Variants in PARP8 observed in about 807,000 individuals in gnomAD.
PARP8 encodes protein mono-ADP-ribosyltransferase PARP8.
Under a neutral mutation model 124.1 loss-of-function variants are expected in PARP8, and 51 were observed. The ratio of observed to expected loss-of-function variants is 0.41; its 90% CI spans 0.33 to 0.52. The LOEUF (loss-of-function observed/expected upper bound fraction) is 0.52, where lower values mean the gene tolerates loss of function less well. Among genes scored for constraint, PARP8 ranks in the 20% least tolerant of loss-of-function variants. The probability of loss-of-function intolerance (pLI) is 0.21; values close to 1 mark genes in which losing one functional copy is unlikely to be tolerated. For synonymous variants in PARP8, 391 were observed against 361.5 expected (o/e 1.08, Z -0.93); for missense variants, 860 against 1,018.9 (o/e 0.84, Z 2.12).
chr5:50,731,423 G>A (rs1223756622), intron 2 of PARP8, among the ~76,000 whole-genome samples: 1 of 152,146 alleles, frequency 6.6e-6, no homozygotes, highest in Non-Finnish European at 1.5e-5. Context: ...TCATAGCAGT[G>A]TGCATTTGCT....
chr5:50,666,922 C>CCG lies in PARP8; in HGVS notation c.-173_-172insGC. 1 of 1,278,658 alleles carries CCG rather than the reference C, an allele frequency of 7.8e-7. No homozygotes were observed. The highest frequency in any genetic ancestry group is 3.1e-5 in the Admixed American group (1 of 32,562). 79.2% of individuals were successfully genotyped at this position (1,278,658 alleles called of 1,614,324 possible). A position where few individuals can be genotyped will look rare whatever the true frequency, so the allele number is the denominator to read the frequency against. On this transcript the variant is annotated 5_prime_UTR_variant, in exon 1 of 26. An upstream open reading frame in the 5' UTR loses its in-frame stop. Coordinates refer to ENST00000281631, the MANE Select transcript of PARP8 (RefSeq NM_024615.4). ...ACCTCCCCCTCCTCCTCCTCCTCCC[C>CCG]CTCCTCCTCCTCCTCTTCTCTCACC...
At position 50,842,342 on chromosome 5, in the gene PARP8, C is replaced by A; in HGVS notation, c.*274C>A. 4.1e-6 allele frequency: 1 copy of A among 246,048 alleles called. No homozygotes were observed. Among genetic ancestry groups the A allele is most frequent in the Non-Finnish European group, 7.8e-6 (1 of 128,634 alleles). The allele number at this position is 246,048 out of a possible 1,614,324, so 15.2% of individuals were successfully genotyped here. A position where few individuals can be genotyped will look rare whatever the true frequency, so the allele number is the denominator to read the frequency against. ...TCATACAATAAACAGATTGAAAAAA[C>A]TGTTTTGTGCTGATATTTTTATACT... On this transcript the variant is annotated 3_prime_UTR_variant, in exon 26 of 26. Coordinates refer to ENST00000281631, the MANE Select transcript of PARP8 (RefSeq NM_024615.4).
intron 21 of PARP8, among the ~76,000 whole-genome samples, chr5:50,828,600 A>G (rs1289533979): frequency 2.0e-5 from 3 of 152,022 alleles, no homozygotes; most frequent in Admixed American, 6.6e-5. Flanking sequence ...AAAAGAAAGG[A>G]TGGGTGCAGT....
At chr5:50,731,560 T>C (rs1300200433) in intron 2 of PARP8, among the ~76,000 whole-genome samples, 1 of 152,198 alleles carries the variant, frequency 6.6e-6, no homozygotes, top group Non-Finnish European at 1.5e-5. Flanking sequence ...TTATTTCCAT[T>C]GTAAGGATAT....
intron 14 of PARP8, among the ~76,000 whole-genome samples, chr5:50,814,702 T>G (rs1410696663): frequency 2.0e-5 from 3 of 152,126 alleles, no homozygotes; most frequent in Non-Finnish European, 4.4e-5. Flanking sequence ...GCAGTGGCAC[T>G]AACAAATGCC....
rs566377652 is a variant in PARP8 at position 50,771,410 on chromosome 5, C to T, written c.519-6659C>T. 2.9e-4 allele frequency among the ~76,000 whole-genome samples: 44 copies of T among 152,280 alleles called. 2 individuals carry two copies. In the South Asian group the frequency reaches 8.5e-3, roughly 29 times the overall value. The stretch of plus-strand genomic sequence containing the variant: ...CTGACCTCAAGTGATCCACCCACCT[C>T]GGCCTCCCAAAGTGCTGGGATTACA... On this transcript the variant is annotated intron_variant, in intron 7 of 25. Coordinates refer to ENST00000281631, the MANE Select transcript of PARP8 (RefSeq NM_024615.4).
At chr5:50,744,261 C>T (rs760351762) in intron 2 of PARP8, among the ~76,000 whole-genome samples, 9 of 152,156 alleles carry the variant, frequency 5.9e-5, no homozygotes, top group Non-Finnish European at 1.0e-4. Flanking sequence ...GAGTTCAGAC[C>T]AGACTCTATC....
At chr5:50,722,879 A>G (rs961031733) in intron 2 of PARP8, among the ~76,000 whole-genome samples, 8 of 152,088 alleles carry the variant, frequency 5.3e-5, no homozygotes, top group Admixed American at 2.6e-4. Flanking sequence ...TTCACTCTAC[A>G]TTATGAATAT....
chr5:50,796,887 C>T, intron 12 of PARP8, 95 bp from the exon 13 acceptor site: 1 of 1,062,918 alleles, frequency 9.4e-7, no homozygotes, highest in Non-Finnish European at 1.3e-6. Flanking sequence ...TCTTAAATCA[C>T]TTTCGTATTC....
At chr5:50,683,302 C>T (rs1432710429) in intron 2 of PARP8, among the ~76,000 whole-genome samples, 1 of 152,124 alleles carries the variant, frequency 6.6e-6, no homozygotes, top group Non-Finnish European at 1.5e-5. Flanking sequence ...TTGACAAGGA[C>T]ATTGAGGATT....
intron 10 of PARP8, among the ~76,000 whole-genome samples, chr5:50,789,393 G>A (rs936528283): frequency 6.6e-6 from 1 of 152,138 alleles, no homozygotes; most frequent in African/African-American, 2.4e-5. Context: ...GAAGATCACT[G>A]ATGTGATCTA....
intron 2 of PARP8, among the ~76,000 whole-genome samples, chr5:50,715,295 G>C (rs1449112508): frequency 6.6e-6 from 1 of 152,010 alleles, no homozygotes; most frequent in East Asian, 1.9e-4. Context: ...GAGGCAAAAT[G>C]CTCCTCCACA....
At chr5:50,751,504 T>G (rs969563707) in intron 3 of PARP8, among the ~76,000 whole-genome samples, 1 of 152,030 alleles carries the variant, frequency 6.6e-6, no homozygotes, top group Non-Finnish European at 1.5e-5. Context: ...AAGACGGAGA[T>G]TAGTGCATTC....
At chr5:50,751,425 G>A (rs1341993268) in intron 3 of PARP8, among the ~76,000 whole-genome samples, 1 of 152,130 alleles carries the variant, frequency 6.6e-6, no homozygotes, top group Non-Finnish European at 1.5e-5. Flanking sequence ...AAAGGAAGGA[G>A]TGTAAGTATA....
At chr5:50,833,189 G>A (rs1370594355) in intron 23 of PARP8, among the ~76,000 whole-genome samples, 1 of 152,100 alleles carries the variant, frequency 6.6e-6, no homozygotes, top group Non-Finnish European at 1.5e-5. Flanking sequence ...TAGATAGAAT[G>A]CTAGATATTA....
intron 18 of PARP8, among the ~76,000 whole-genome samples, chr5:50,826,468 A>G (rs1309153888): frequency 1.3e-5 from 2 of 152,122 alleles, no homozygotes; most frequent in African/African-American, 4.8e-5. Context: ...AAATGTTCAA[A>G]TGTTCATTTT....
intron 24 of PARP8, among the ~76,000 whole-genome samples, chr5:50,834,509 T>C (rs965370109): frequency 6.6e-6 from 1 of 152,182 alleles, no homozygotes; most frequent in African/African-American, 2.4e-5. Flanking sequence ...CAAGATGATA[T>C]ACTTTTCTTT....
intron 7 of PARP8, among the ~76,000 whole-genome samples, chr5:50,763,674 A>G (rs1760781236): frequency 6.6e-6 from 1 of 152,046 alleles, no homozygotes; most frequent in Non-Finnish European, 1.5e-5. Flanking sequence ...ACTTGTTTGA[A>G]TGATCATGTA....
At chr5:50,690,992 G>T (rs1399125689) in intron 2 of PARP8, among the ~76,000 whole-genome samples, 1 of 152,108 alleles carries the variant, frequency 6.6e-6, no homozygotes, top group African/African-American at 2.4e-5. Flanking sequence ...AAAGGTAGCA[G>T]CTCTTTCTAC....
Sources: gnomAD v4.1 joint callset for allele counts (sites outside exome capture counted in the v4.1 genomes callset) on GRCh38, gnomAD v4.1.1 for gene constraint, MANE v1.5 for transcripts, NCBI Gene and HGNC (gene_info 2026-07-23, HGNC 2026-07-21) for gene names.